CNPY2: variants seen among roughly 807,000 people sequenced by gnomAD.
CNPY2 encodes canopy FGF signaling regulator 2.
A neutral mutation model predicts 25.5 loss-of-function variants in CNPY2; 19 were observed. That is an observed-to-expected ratio of 0.74 (90% CI 0.52 to 1.09). CNPY2 has a LOEUF of 1.09. Ranked by LOEUF, CNPY2 falls within the 50% of genes least tolerant of loss-of-function variation. CNPY2 has a pLI of 0.00. For missense variants in CNPY2, 214 were observed against 233.6 expected (o/e 0.92, Z 0.55); for synonymous variants, 82 against 85.0 (o/e 0.96, Z 0.19).
At chr12:56,316,282 C>G (rs1873955394), upstream of CNPY2, 1 of 152,638 alleles carries the variant, frequency 6.6e-6, no homozygotes, top group Non-Finnish European at 1.5e-5. Context: ...CGTGAGCCAG[C>G]CCAGGTGGGC....
rs970431903 is a variant in CNPY2 at position 56,312,565 on chromosome 12, CT to C, written c.205-1152del. 5.2e-3 allele frequency: 699 copies of C among 135,418 alleles called. 2 individuals carry two copies. The highest frequency in any genetic ancestry group is 0.017 in the African/African-American group (610 of 36,416). The allele number at this position is 135,418 out of a possible 1,614,324, so 8.4% of individuals were successfully genotyped here. On this transcript the variant is annotated intron_variant, in intron 3 of 5. Coordinates refer to ENST00000273308, the MANE Select transcript of CNPY2 (RefSeq NM_014255.7). ...TTTTATTTTACCTCATTGTACAATT[CT>C]TTTTTTTTTTCTTTTTTTTTTTGAG...
At chr12:56,313,290 AGACCATCCT>A (rs1243269055) in intron 3 of CNPY2, among the ~76,000 whole-genome samples, 2 of 152,102 alleles carry the variant, frequency 1.3e-5, no homozygotes, top group Non-Finnish European at 2.9e-5. Context: ...CAGGAGTTCG[AGACCATCCT>A]GACCAACATG....
At chr12:56,315,485 G>A (rs929815923) in intron 1 of CNPY2, among the ~76,000 whole-genome samples, 3 of 152,234 alleles carry the variant, frequency 2.0e-5, no homozygotes, top group Admixed American at 6.5e-5. Flanking sequence ...TACGTGGATA[G>A]GTGAGGCCCT....
At position 56,310,586 on chromosome 12, in the gene CNPY2, T is replaced by A. The variant is rs113524609; in HGVS notation, c.515A>T (p.Asp172Val). ...ATCATGCGATATGTGCAGGGCATGG[T>A]CACAAAGATCTGCAAATGGCAAACA... ...KLCSKRTDLC[D>V]HALHISHDEL Residue 172 changes from aspartate (D) to valine (V), a missense_variant, in exon 6 of 6, where the codon GAC becomes GTC. Coordinates refer to ENST00000273308, the MANE Select transcript of CNPY2 (RefSeq NM_014255.7). 16 of 1,614,068 alleles carry A rather than the reference T, an allele frequency of 9.9e-6. No homozygotes were observed. Among genetic ancestry groups the A allele is most frequent in the Non-Finnish European group, 1.3e-5 (15 of 1,180,036 alleles).
At chr12:56,315,542 G>A (rs941142214) in intron 1 of CNPY2, among the ~76,000 whole-genome samples, 4 of 152,218 alleles carry the variant, frequency 2.6e-5, no homozygotes, top group Non-Finnish European at 5.9e-5. Context: ...ACGGGGCTTT[G>A]TGGCAGCTAC....
intron 5 of CNPY2, 33 bp from the exon 6 acceptor site, chr12:56,310,628 C>G: frequency 6.2e-7 from 1 of 1,611,800 alleles, no homozygotes. Context: ...AGGAATATGC[C>G]ATTCTCATAC....
Position 56,315,162 on chromosome 12 carries a change from C to G in CNPY2, c.56G>C (p.Trp19Ser), listed in dbSNP as rs1269854179. The change falls in exon 2 of 6, where the codon TGG becomes TCG. Residue 19 changes from tryptophan to serine, a missense_variant. Trp to Ser is a radical substitution (Grantham distance 177, BLOSUM62 -3). Coordinates refer to ENST00000273308, the MANE Select transcript of CNPY2 (RefSeq NM_014255.7). ...GTGGAGATCCTGGCTCCTCCGAGCC[C>G]AGGCGGTTCCCAGCAGGGCCCCCAG... Reference protein sequence around the residue: ...LLLGALLGTAWARRSQDLHCG... With the variant: ...LLLGALLGTASARRSQDLHCG... 7 of 1,614,006 alleles carry G rather than the reference C, an allele frequency of 4.3e-6. No individual in the cohort carries two copies. The highest frequency in any genetic ancestry group is 5.9e-6 in the Non-Finnish European group (7 of 1,179,988).
In CNPY2 at chr12:56,315,143, A is replaced by G. The variant is rs1470414911; in HGVS notation, c.75T>C (p.Asp25=). The G allele has an allele frequency of 1.2e-6, 2 of 1,613,952 alleles. No homozygotes were observed. The highest frequency in any genetic ancestry group is 4.5e-5 in the East Asian group (2 of 44,868). The part of the protein sequence containing the change: ...LGTAWARRSQ[D]LHCGACRALV... ...TTGTGCCTTTACCTCCACAGTGGAG[A>G]TCCTGGCTCCTCCGAGCCCAGGCGG... is the stretch of plus-strand genomic sequence containing the variant. The change falls in exon 2 of 6, where the codon GAT becomes GAC. Residue 25 remains aspartate (D), a synonymous_variant. Coordinates refer to ENST00000273308, the MANE Select transcript of CNPY2 (RefSeq NM_014255.7).
chr12:56,310,300 C>G lies in CNPY2; in HGVS notation c.*252G>C. 1 of 598,212 alleles carries G rather than the reference C, an allele frequency of 1.7e-6. No homozygotes were observed. The highest frequency in any genetic ancestry group is 3.0e-6 in the Non-Finnish European group (1 of 337,882). The allele number at this position is 598,212 out of a possible 1,614,324, so 37.1% of individuals were successfully genotyped here. On this transcript the variant is annotated 3_prime_UTR_variant, in exon 6 of 6. Transcript: ENST00000273308. ...AAGGTAGAAGAATTAAAGGTTCAGG[C>G]CTCTCCTACCTTTATCCTGTATCAA...
chr12:56,310,211 G>C lies in CNPY2; in HGVS notation c.*341C>G. Reference sequence around the variant, plus strand: ...CTATTCTCCACAATTAGACTCTAAAGACGTGGTATTGAGTGGGCACTGACT... The same window carrying C: ...CTATTCTCCACAATTAGACTCTAAACACGTGGTATTGAGTGGGCACTGACT... On this transcript the variant is annotated 3_prime_UTR_variant, in exon 6 of 6. Coordinates refer to ENST00000273308, the MANE Select transcript of CNPY2 (RefSeq NM_014255.7). 2 of 602,804 alleles carry C rather than the reference G, an allele frequency of 3.3e-6. No homozygotes were observed. Among genetic ancestry groups the C allele is most frequent in the South Asian group, 4.1e-5 (2 of 48,786 alleles). 37.3% of individuals were successfully genotyped at this position (602,804 alleles called of 1,614,324 possible). A position where few individuals can be genotyped will look rare whatever the true frequency, so the allele number is the denominator to read the frequency against.
In CNPY2 at chr12:56,310,284, G is replaced by T. The variant is rs1270741416; in HGVS notation, c.*268C>A. Reference sequence around the variant, plus strand: ...TGGAGTGGAATCTCAGAAGGTAGAAGAATTAAAGGTTCAGGCCTCTCCTAC... The same window carrying T: ...TGGAGTGGAATCTCAGAAGGTAGAATAATTAAAGGTTCAGGCCTCTCCTAC... On this transcript the variant is annotated 3_prime_UTR_variant, in exon 6 of 6. Coordinates refer to ENST00000273308, the MANE Select transcript of CNPY2 (RefSeq NM_014255.7). The T allele has an allele frequency of 3.3e-6, 2 of 597,758 alleles. No homozygotes were observed. Among genetic ancestry groups the T allele is most frequent in the Non-Finnish European group, 5.9e-6 (2 of 337,560 alleles). The allele number at this position is 597,758 out of a possible 1,614,324, so 37.0% of individuals were successfully genotyped here. A position where few individuals can be genotyped will look rare whatever the true frequency, so the allele number is the denominator to read the frequency against.
chr12:56,310,581 C>T lies in CNPY2; in HGVS notation c.520G>A (p.Ala174Thr), dbSNP rs756386633. ...CSKRTDLCDH[A>T]LHISHDEL ...AGCTCATCATGCGATATGTGCAGGGCATGGTCACAAAGATCTGCAAATGGC... is the reference window on the plus strand; with the variant it reads ...AGCTCATCATGCGATATGTGCAGGGTATGGTCACAAAGATCTGCAAATGGC... Residue 174 changes from alanine (A) to threonine (T), a missense_variant, in exon 6 of 6, where the codon GCC (alanine) becomes ACC (threonine). Coordinates refer to ENST00000273308, the MANE Select transcript of CNPY2 (RefSeq NM_014255.7). 155 of 1,614,092 alleles carry T rather than the reference C, an allele frequency of 9.6e-5. 1 individual carries two copies. Among genetic ancestry groups the T allele is most frequent in the Non-Finnish European group, 1.2e-4 (145 of 1,180,042 alleles).
chr12:56,310,668 C>T, intron 5 of CNPY2, 73 bp from the exon 6 acceptor site: 1 of 1,517,528 alleles, frequency 6.6e-7, no homozygotes, highest in Non-Finnish European at 9.1e-7. Context: ...GAAAATTTCC[C>T]AGACCAAGCT....
At chr12:56,310,901 G>T in intron 5 of CNPY2, 57 bp downstream of exon 5, 1 of 1,483,346 alleles carries the variant, frequency 6.7e-7, no homozygotes, top group Admixed American at 1.7e-5. Context: ...GGGTGAGTTA[G>T]GGAATGTCAG....
rs181358469 is a variant in CNPY2 at position 56,312,168 on chromosome 12, G to A, written c.205-754C>T. Among the ~76,000 whole-genome samples, 255 of 151,804 alleles carry A rather than the reference G, an allele frequency of 1.7e-3. 1 individual carries two copies. The highest frequency in any genetic ancestry group is 0.014 in the Middle Eastern group (4 of 292). On this transcript the variant is annotated intron_variant, in intron 3 of 5. Coordinates refer to ENST00000273308, the MANE Select transcript of CNPY2 (RefSeq NM_014255.7). ...GCTGGGATTACAGGCATGAGCCACC[G>A]CGCCCGGCCTGGTTTTAAATTAATA...
intron 3 of CNPY2, among the ~76,000 whole-genome samples, chr12:56,312,245 T>TG (rs1226818797): frequency 3.0e-5 from 3 of 98,584 alleles, no homozygotes; most frequent in African/African-American, 1.0e-4. Context: ...TTTTTTTTTT[T>TG]TTTGAGACAG....
intron 3 of CNPY2, 87 bp from the exon 4 acceptor site, chr12:56,311,501 C>T (rs1328352797): frequency 1.6e-6 from 2 of 1,275,816 alleles, no homozygotes; most frequent in African/African-American, 1.5e-5. Context: ...AAATCTAGCT[C>T]CAACAACCTA....
intron 3 of CNPY2, chr12:56,314,417 T>C (rs1197601588): frequency 2.9e-5 from 30 of 1,052,362 alleles, no homozygotes; most frequent in Middle Eastern, 4.6e-4. Flanking sequence ...CCTTATATAT[T>C]GCTTATTAGA....
In CNPY2 at chr12:56,311,363, A is replaced by G. The variant is rs373723874; in HGVS notation, c.256T>C (p.Cys86Arg). 5.0e-6 allele frequency: 8 copies of G among 1,614,038 alleles called. No homozygotes were observed. Among genetic ancestry groups the G allele is most frequent in the Admixed American group, 3.3e-5 (2 of 59,994 alleles). The change falls in exon 4 of 6, where the codon TGT becomes CGT. Residue 86 changes from cysteine (C) to arginine (R), a missense_variant. Coordinates refer to ENST00000273308, the MANE Select transcript of CNPY2 (RefSeq NM_014255.7). ...AHLTELLEEICDRMKEYGEQI... is the reference protein window; with the variant it reads ...AHLTELLEEIRDRMKEYGEQI... ...TCCCCATACTCCTTCATCCGGTCAC[A>G]TATCTCCTCCAGCAGCTCTGTGAGG...
Sources: gnomAD v4.1 joint callset for allele counts (sites outside exome capture counted in the v4.1 genomes callset) on GRCh38, gnomAD v4.1.1 for gene constraint, MANE v1.5 for transcripts, NCBI Gene and HGNC (gene_info 2026-07-23, HGNC 2026-07-21) for gene names.